The following FAF1 variants were observed in gnomAD, a reference collection of about 807,000 sequenced individuals.
The protein encoded by FAF1 is Fas associated factor 1.
Under a neutral mutation model 92.5 loss-of-function variants are expected in FAF1, and 25 were observed. The ratio of observed to expected loss-of-function variants is 0.27; its 90% CI spans 0.20 to 0.38. FAF1 has a LOEUF of 0.38. Among genes scored for constraint, FAF1 ranks in the 10% least tolerant of loss-of-function variants. The pLI, the probability that FAF1 is intolerant of heterozygous loss-of-function variation, is 1.00. For synonymous variants in FAF1, 234 were observed against 273.2 expected, an observed-to-expected ratio of 0.86 and a Z score of 1.42; for missense variants, 636 against 793.3, an observed-to-expected ratio of 0.80 and a Z score of 2.38.
At chr1:50,942,264 G>A (rs1645139808) in intron 1 of FAF1, among the ~76,000 whole-genome samples, 1 of 152,240 alleles carries the variant, frequency 6.6e-6, no homozygotes, top group Non-Finnish European at 1.5e-5. Flanking sequence ...ACTTTGGGAG[G>A]CCGAAGTGGG....
At chr1:50,731,764 T>C (rs1352802424) in intron 6 of FAF1, among the ~76,000 whole-genome samples, 1 of 152,188 alleles carries the variant, frequency 6.6e-6, no homozygotes, top group Non-Finnish European at 1.5e-5. Context: ...CAATCTCATT[T>C]ATGTTCACTT....
At chr1:50,936,350 A>C (rs1645084877) in intron 1 of FAF1, among the ~76,000 whole-genome samples, 1 of 152,222 alleles carries the variant, frequency 6.6e-6, no homozygotes, top group Non-Finnish European at 1.5e-5. Flanking sequence ...TTAAAAAAGA[A>C]GAAGAATGAG....
chr1:50,578,857 TTA>T (rs1219863594), intron 12 of FAF1, among the ~76,000 whole-genome samples: 1 of 152,130 alleles, frequency 6.6e-6, no homozygotes, highest in Non-Finnish European at 1.5e-5. Context: ...TTTGAATAAT[TTA>T]TCTCTCATGG....
At chr1:50,711,572 C>T (rs1437905901) in intron 6 of FAF1, among the ~76,000 whole-genome samples, 3 of 149,596 alleles carry the variant, frequency 2.0e-5, no homozygotes, top group Non-Finnish European at 3.0e-5. Flanking sequence ...CAGGTTCAAG[C>T]GATTCTCCTG....
At chr1:50,913,575 T>G (rs1272204926) in intron 1 of FAF1, among the ~76,000 whole-genome samples, 1 of 152,196 alleles carries the variant, frequency 6.6e-6, no homozygotes, top group East Asian at 1.9e-4. Flanking sequence ...GTTTTCAAAT[T>G]TCATCAAGAG....
At chr1:50,936,949 T>A (rs1285449446) in intron 1 of FAF1, among the ~76,000 whole-genome samples, 1 of 152,062 alleles carries the variant, frequency 6.6e-6, no homozygotes, top group Non-Finnish European at 1.5e-5. Context: ...GAAGCAGAGA[T>A]GCAGAAGCCA....
At chr1:50,584,887 C>A in intron 9 of FAF1, 76 bp from the exon 10 acceptor site, 4 of 1,317,268 alleles carry the variant, frequency 3.0e-6, no homozygotes, top group Admixed American at 1.9e-5. Context: ...ATAATAATAA[C>A]AACAGGACAT....
chr1:50,949,995 T>C (rs1443665760), intron 1 of FAF1, among the ~76,000 whole-genome samples: 1 of 151,738 alleles, frequency 6.6e-6, no homozygotes, highest in African/African-American at 2.4e-5. Context: ...CCCAGCTAAT[T>C]TAAAAAAAAA....
At chr1:50,585,940 T>C (rs1651211685) in intron 9 of FAF1, among the ~76,000 whole-genome samples, 2 of 149,594 alleles carry the variant, frequency 1.3e-5, no homozygotes, top group African/African-American at 4.9e-5. Context: ...CTGGTCTTAG[T>C]TACTTGGGAG....
chr1:50,849,599 A>G (rs573267740), intron 2 of FAF1, among the ~76,000 whole-genome samples: 2 of 152,330 alleles, frequency 1.3e-5, no homozygotes, highest in African/African-American at 4.8e-5. Flanking sequence ...TTTAGTCTAT[A>G]CAGACTATAT....
At chr1:50,559,803 G>A (rs1649785583) in intron 13 of FAF1, among the ~76,000 whole-genome samples, 1 of 152,182 alleles carries the variant, frequency 6.6e-6, no homozygotes, top group Admixed American at 6.5e-5. Flanking sequence ...AACTCTCCTG[G>A]TGTTTTGGAA....
At chr1:50,957,347 C>CTTTTTT (rs1188286312) in intron 1 of FAF1, among the ~76,000 whole-genome samples, 1,679 of 104,030 alleles carry the variant, frequency 0.016, 1 homozygote, top group East Asian at 0.021. Context: ...TTTTCATTTT[C>CTTTTTT]TTTTTTTTTT....
At chr1:50,799,834 A>G (rs1459341365) in intron 3 of FAF1, among the ~76,000 whole-genome samples, 2 of 152,222 alleles carry the variant, frequency 1.3e-5, no homozygotes, top group Non-Finnish European at 2.9e-5. Flanking sequence ...CATTTCCAGC[A>G]TCGTGCCTTC....
intron 2 of FAF1, among the ~76,000 whole-genome samples, chr1:50,808,404 T>C (rs1160068055): frequency 6.6e-6 from 1 of 152,186 alleles, no homozygotes; most frequent in Non-Finnish European, 1.5e-5. Flanking sequence ...AATCCTCACC[T>C]ATTAATATTA....
At chr1:50,493,971 T>C (rs1288444599) in intron 15 of FAF1, among the ~76,000 whole-genome samples, 1 of 152,206 alleles carries the variant, frequency 6.6e-6, no homozygotes, top group East Asian at 1.9e-4. Flanking sequence ...AAACAGACTG[T>C]AGGAGATATG....
intron 4 of FAF1, among the ~76,000 whole-genome samples, chr1:50,784,799 T>G (rs1167060123): frequency 6.6e-6 from 1 of 152,130 alleles, no homozygotes; most frequent in African/African-American, 2.4e-5. Flanking sequence ...CTAGAGTAAT[T>G]AGATCAGTTT....
At chr1:50,790,290 C>T (rs1237948124) in intron 3 of FAF1, among the ~76,000 whole-genome samples, 3 of 151,976 alleles carry the variant, frequency 2.0e-5, no homozygotes, top group South Asian at 2.1e-4. Context: ...TACAGGTGTG[C>T]GCCACCACGC....
chr1:50,823,143 A>G (rs1282408939), intron 2 of FAF1, among the ~76,000 whole-genome samples: 2 of 152,154 alleles, frequency 1.3e-5, no homozygotes, highest in Non-Finnish European at 2.9e-5. Context: ...TTTGGATCGG[A>G]TGGTTGAACA....
At chr1:50,835,527 C>T (rs1188635406) in intron 2 of FAF1, among the ~76,000 whole-genome samples, 9 of 146,042 alleles carry the variant, frequency 6.2e-5, no homozygotes, top group South Asian at 2.2e-4. Flanking sequence ...GCCGACATTG[C>T]GCCACTGCAC....
Sources: gnomAD v4.1 joint callset for allele counts (sites outside exome capture counted in the v4.1 genomes callset) on GRCh38, gnomAD v4.1.1 for gene constraint, MANE v1.5 for transcripts, NCBI Gene and HGNC (gene_info 2026-07-23, HGNC 2026-07-21) for gene names.